FKBP15: variants seen among roughly 807,000 people sequenced by gnomAD.
FKBP15 encodes the protein FK506-binding protein 15.
In FKBP15, 106 loss-of-function variants were observed where a neutral mutation model predicts 158.1. The observed-to-expected ratio is 0.67, with a 90% CI of 0.57 to 0.79. The LOEUF (loss-of-function observed/expected upper bound fraction) is 0.79, where lower values mean the gene tolerates loss of function less well. FKBP15 is among the 30% of genes least tolerant of loss of function. The pLI is 0.00. For synonymous variants in FKBP15, 547 were observed against 548.6 expected, an observed-to-expected ratio of 1.00 and a Z score of 0.04; for missense variants, 1,287 against 1,479.1, an observed-to-expected ratio of 0.87 and a Z score of 2.13.
chr9:113,199,060 A>C (rs1044098747), intron 7 of FKBP15, 137 bp from the exon 8 acceptor site: 2 of 618,480 alleles, frequency 3.2e-6, no homozygotes, highest in African/African-American at 3.7e-5. Context: ...TAGTTTCTAA[A>C]GGACCTGAAA....
At chr9:113,216,153 C>T (rs1831130480) in intron 1 of FKBP15, among the ~76,000 whole-genome samples, 1 of 148,384 alleles carries the variant, frequency 6.7e-6, no homozygotes, top group Admixed American at 6.7e-5. Flanking sequence ...GGGGTATGCC[C>T]AGTGTCTGGT....
At chr9:113,173,339 G>T (rs111989665) in intron 23 of FKBP15, 114 bp downstream of exon 23, 26 of 1,098,400 alleles carry the variant, frequency 2.4e-5, no homozygotes, top group Non-Finnish European at 2.6e-5. Flanking sequence ...GTGTGGTTTT[G>T]TCTTCTAGAT....
intron 12 of FKBP15, 114 bp from the exon 13 acceptor site, chr9:113,188,605 G>A: frequency 3.6e-6 from 3 of 831,052 alleles, no homozygotes; most frequent in East Asian, 5.3e-5. Context: ...CAAAGAAGAG[G>A]AAGGAAAGGT....
rs1361113214 is a variant in FKBP15, at chr9:113,193,542, C to G, written c.1015G>C (p.Ala339Pro). 1 of 1,597,690 alleles carries G rather than the reference C, an allele frequency of 6.3e-7. No homozygotes were observed. The highest frequency in any genetic ancestry group is 8.5e-7 in the Non-Finnish European group (1 of 1,171,280). ...AGGGAGTTAGATTTGGTACGAAGAG[C>G]TGGCTCCCTGAAAGCAAATAGACCA... ...TSIPFKSGEPALRTKSNSLSE... is the reference protein window; with the variant it reads ...TSIPFKSGEPPLRTKSNSLSE... The change falls in exon 11 of 28, where the codon GCT (alanine) becomes CCT (proline). Residue 339 changes from alanine (A) to proline (P), a missense_variant. Ala to Pro is a conservative substitution (Grantham distance 27). Transcript: ENST00000238256.
chr9:113,198,649 G>A lies in FKBP15; in HGVS notation c.717+206C>T, dbSNP rs1181936243. On this transcript the variant is annotated intron_variant, in intron 8 of 27. Coordinates refer to ENST00000238256, the MANE Select transcript of FKBP15 (RefSeq NM_015258.2). This position sits in a 1 kb window ranked among gnomAD's most constrained non-coding sequence, Gnocchi z 5.2. ...TGCCTGTAATCCCAGCTACTAGGGA[G>A]GCTGAGGCAGGAGAATCGCTTGAAC... Among the ~76,000 whole-genome samples the A allele has an allele frequency of 6.6e-6, 1 of 152,210 alleles. No homozygotes were observed. The highest frequency in any genetic ancestry group is 1.5e-5 in the Non-Finnish European group (1 of 68,036).
At chr9:113,202,219 C>G (rs1830805426) in intron 6 of FKBP15, among the ~76,000 whole-genome samples, 1 of 151,462 alleles carries the variant, frequency 6.6e-6, no homozygotes, top group African/African-American at 2.4e-5. Flanking sequence ...TTTGAAAACA[C>G]TATTTTTTAA....
rs748612293 is a variant in FKBP15 at position 113,169,372 on chromosome 9, C to T, written c.3337G>A (p.Glu1113Lys). Residue 1113 changes from glutamate (E) to lysine (K), a missense_variant, in exon 26 of 28, where the codon GAA (glutamate) becomes AAA (lysine). By Grantham distance (56) the Glu-to-Lys change is moderately conservative. Transcript: ENST00000238256. ...GGAGGCTGAGGCTCTCCTGGGCTTT[C>T]AGGCCCTAAGGCCAGTGGGTCCCCC... is the stretch of plus-strand genomic sequence containing the variant. ...EEGDPLALGPESPGEPQPPQL... is the reference protein window; with the variant it reads ...EEGDPLALGPKSPGEPQPPQL... 5 of 1,613,938 alleles carry T rather than the reference C, an allele frequency of 3.1e-6. No homozygotes were observed. The highest frequency in any genetic ancestry group is 2.2e-5 in the East Asian group (1 of 44,892).
intron 1 of FKBP15, among the ~76,000 whole-genome samples, chr9:113,216,122 C>A (rs1306783453): frequency 1.2e-4 from 13 of 106,040 alleles, no homozygotes; most frequent in South Asian, 3.2e-4. Flanking sequence ...CACAATAAAG[C>A]AAACCGAAAA....
intron 9 of FKBP15, among the ~76,000 whole-genome samples, chr9:113,196,423 G>A (rs1018935283): frequency 7.9e-5 from 11 of 139,168 alleles, no homozygotes; most frequent in African/African-American, 1.3e-4. Flanking sequence ...TTGCTCTGTC[G>A]CCCAGGCTGG....
At chr9:113,178,033 C>T (rs1232487777) in intron 20 of FKBP15, among the ~76,000 whole-genome samples, 1 of 152,056 alleles carries the variant, frequency 6.6e-6, no homozygotes, top group Non-Finnish European at 1.5e-5. Context: ...AGGAAAGCTT[C>T]TGAAAGAGGC....
Position 113,162,145 on chromosome 9 carries a change from G to A in FKBP15, c.*3933C>T. 1 of 329,340 alleles carries A rather than the reference G, an allele frequency of 3.0e-6. No homozygotes were observed. The highest frequency in any genetic ancestry group is 5.8e-6 in the Non-Finnish European group (1 of 173,152). The allele number at this position is 329,340 out of a possible 1,614,324, so 20.4% of individuals were successfully genotyped here. A position where few individuals can be genotyped will look rare whatever the true frequency, so the allele number is the denominator to read the frequency against. ...CACTCGAATCAGGCAACCATTTAGG[G>A]TCCCTGTTCTGCCCTCTGTCCAGCC... On this transcript the variant is annotated 3_prime_UTR_variant, in exon 28 of 28. Coordinates refer to ENST00000238256, the MANE Select transcript of FKBP15 (RefSeq NM_015258.2).
intron 9 of FKBP15, among the ~76,000 whole-genome samples, chr9:113,195,412 A>G (rs1320018658): frequency 4.2e-4 from 64 of 152,210 alleles, no homozygotes; most frequent in Non-Finnish European, 4.4e-5. Flanking sequence ...GATAAGACTC[A>G]AATTGGTTTG....
Position 113,201,794 on chromosome 9 carries a change from A to G in FKBP15, c.498+737T>C, listed in dbSNP as rs1587969914. 2.0e-5 allele frequency among the ~76,000 whole-genome samples: 3 copies of G among 152,346 alleles called. No homozygotes were observed. In the Middle Eastern group the frequency reaches 0.01, roughly 518 times the overall value. ...TGAACTGACAACATGCATATTATGC[A>G]GCCTTCAAAAATGTTTCCAAATAGT... On this transcript the variant is annotated intron_variant, in intron 6 of 27. Transcript: ENST00000238256.
intron 2 of FKBP15, among the ~76,000 whole-genome samples, chr9:113,209,294 C>T (rs1830956186): frequency 6.6e-6 from 1 of 152,036 alleles, no homozygotes; most frequent in African/African-American, 2.4e-5. Flanking sequence ...AAATTAAGTA[C>T]AATAAAAAAT....
intron 25 of FKBP15, among the ~76,000 whole-genome samples, 184 bp from the exon 26 acceptor site, chr9:113,170,126 CT>C (rs952776090): frequency 4.7e-5 from 7 of 149,362 alleles, no homozygotes; most frequent in Admixed American, 1.3e-4. Flanking sequence ...GAATAATTTT[CT>C]TTTTTTTTTC....
intron 14 of FKBP15, chr9:113,186,728 G>A (rs1210138922): frequency 1.2e-5 from 2 of 161,986 alleles, no homozygotes; most frequent in Non-Finnish European, 2.7e-5. Context: ...TAAAGAAGAA[G>A]TGCTCACTGA....
chr9:113,182,313 C>G (rs1830413437), intron 19 of FKBP15, among the ~76,000 whole-genome samples: 1 of 152,166 alleles, frequency 6.6e-6, no homozygotes, highest in Admixed American at 6.5e-5. Flanking sequence ...CCAAGACCCA[C>G]TACTTACTGC....
rs1382591120 is a variant in FKBP15, at chr9:113,165,916, T to C, written c.*162A>G. 2 of 566,090 alleles carry C rather than the reference T, an allele frequency of 3.5e-6. No homozygotes were observed. Among genetic ancestry groups the C allele is most frequent in the Admixed American group, 6.1e-5 (2 of 32,946 alleles). 35.1% of individuals were successfully genotyped at this position (566,090 alleles called of 1,614,324 possible). On this transcript the variant is annotated 3_prime_UTR_variant, in exon 28 of 28. Coordinates refer to ENST00000238256, the MANE Select transcript of FKBP15 (RefSeq NM_015258.2). ...TCCTCTTCACCAGGTCTGGCGGGGG[T>C]GGGGCTCAGAAGGTGGCCAACCCAC... is the stretch of plus-strand genomic sequence containing the variant.
chr9:113,219,202 A>G (rs1831202386), intron 1 of FKBP15, among the ~76,000 whole-genome samples: 1 of 152,180 alleles, frequency 6.6e-6, no homozygotes, highest in Non-Finnish European at 1.5e-5. Flanking sequence ...AGTAAACTCT[A>G]AGAGGCCTAG....
Sources: allele counts gnomAD v4.1 joint callset (sites outside exome capture counted in the v4.1 genomes callset), GRCh38; gene constraint gnomAD v4.1.1; non-coding constraint Gnocchi (gnomAD v3.1); transcripts MANE v1.5; gene names NCBI Gene and HGNC (gene_info 2026-07-23, HGNC 2026-07-21).